Variants in NME1 observed in about 807,000 individuals in gnomAD.
NME1 encodes the protein NME/NM23 nucleoside diphosphate kinase 1, also known as nucleoside diphosphate kinase A.
In NME1, 9 loss-of-function variants were observed where a neutral mutation model predicts 17.2. That is an observed-to-expected ratio of 0.52 (90% CI 0.32 to 0.92). NME1 has a LOEUF of 0.92. Among genes scored for constraint, NME1 ranks in the 40% least tolerant of loss-of-function variants. The pLI is 0.04. For missense variants in NME1, 169 were observed against 201.7 expected (o/e 0.84, Z 0.98); for synonymous variants, 72 against 70.8 (o/e 1.02, Z -0.09).
rs547528539 is a variant in NME1, at chr17:51,158,090, G to A, written c.127-1890G>A. Reference sequence around the variant, plus strand: ...AGGTCAGGAGATGGAGACCAGCCTGGCCAACGTGGTGAAACCCCGTCTCTA... The same window carrying A: ...AGGTCAGGAGATGGAGACCAGCCTGACCAACGTGGTGAAACCCCGTCTCTA... On this transcript the variant is annotated intron_variant, in intron 2 of 4. Coordinates refer to ENST00000393196, the MANE Select transcript of NME1 (RefSeq NM_000269.3). Among the ~76,000 whole-genome samples the A allele has an allele frequency of 1.8e-3, 280 of 152,288 alleles. 1 individual carries two copies. Among genetic ancestry groups the A allele is most frequent in the Non-Finnish European group, 3.6e-3 (245 of 68,030 alleles).
chr17:51,157,590 G>A (rs1250029654), intron 2 of NME1, among the ~76,000 whole-genome samples: 1 of 152,224 alleles, frequency 6.6e-6, no homozygotes, highest in African/African-American at 2.4e-5. Flanking sequence ...TGAGATGGAT[G>A]TGTTGTTGAT....
Position 51,161,814 on chromosome 17 carries a change from C to T in NME1, c.428C>T (p.Thr143Met), listed in dbSNP as rs779643171. The T allele has an allele frequency of 1.0e-4, 166 of 1,613,250 alleles. No homozygotes were observed. Among genetic ancestry groups the T allele is most frequent in the Non-Finnish European group, 1.3e-4 (153 of 1,179,364 alleles). ...CACCCTGAGGAACTGGTAGATTACA[C>T]GAGCTGTGCTCAGAACTGGATCTAT... is the stretch of plus-strand genomic sequence containing the variant. ...WFHPEELVDY[T>M]SCAQNWIYE Residue 143 changes from threonine (T) to methionine (M), a missense_variant, in exon 5 of 5, where the codon ACG (threonine) becomes ATG (methionine). Physicochemically the swap from Thr to Met is moderately conservative, Grantham distance 81. Transcript: ENST00000393196.
intron 2 of NME1, among the ~76,000 whole-genome samples, chr17:51,158,450 A>G (rs1011220636): frequency 6.6e-6 from 1 of 152,204 alleles, no homozygotes; most frequent in African/African-American, 2.4e-5. Context: ...AACAAACAAC[A>G]AAACCAACAA....
Position 51,161,993 on chromosome 17 carries a change from G to A in NME1, c.*148G>A. 1 of 661,244 alleles carries A rather than the reference G, an allele frequency of 1.5e-6. No individual in the cohort carries two copies. Among genetic ancestry groups the A allele is most frequent in the South Asian group, 1.7e-5 (1 of 58,760 alleles). 41.0% of individuals were successfully genotyped at this position (661,244 alleles called of 1,614,324 possible). ...GAGCTGTGAGTTCTCCCTGTACAGT[G>A]TTACCATCCCCGACCATCTGATTAA... On this transcript the variant is annotated 3_prime_UTR_variant, in exon 5 of 5. Transcript: ENST00000393196.
chr17:51,154,271 C>A, intron 1 of NME1: 1 of 1,029,802 alleles, frequency 9.7e-7, no homozygotes, highest in Non-Finnish European at 1.5e-6. Context: ...ACTAAGTCAG[C>A]CTGGTGTGCA....
At chr17:51,158,580 A>T (rs1405866814) in intron 2 of NME1, among the ~76,000 whole-genome samples, 1 of 152,220 alleles carries the variant, frequency 6.6e-6, no homozygotes, top group Non-Finnish European at 1.5e-5. Context: ...GGACAGGGCG[A>T]GGGTTGGATC....
Position 51,161,732 on chromosome 17 carries a change from A to T in NME1, c.346A>T (p.Ile116Phe), listed in dbSNP as rs769974978. 1.9e-6 allele frequency: 3 copies of T among 1,612,236 alleles called. No homozygotes were observed. Among genetic ancestry groups the T allele is most frequent in the East Asian group, 2.2e-5 (1 of 44,892 alleles). ...GDFCIQVGRN[I>F]IHGSDSVESA... is the part of the protein sequence containing the mutation. ...ACTATCTCTTTCTCCACCCAGGAAC[A>T]TTATACATGGCAGTGATTCTGTGGA... Residue 116 changes from isoleucine to phenylalanine, a missense_variant, in exon 5 of 5, where the codon ATT (isoleucine) becomes TTT (phenylalanine). Physicochemically the swap from Ile to Phe is conservative, Grantham distance 21. Transcript: ENST00000393196.
intron 3 of NME1, chr17:51,160,610 C>CTTTTTTTTTTTTTTTTTTTTTT (rs1161137953): frequency 5.6e-6 from 1 of 177,750 alleles, no homozygotes; most frequent in African/African-American, 2.6e-5. Flanking sequence ...CTTGGCATTT[C>CTTTTTTTTTTTTTTTTTTTTTT]TTTTTTTTTT....
At chr17:51,158,406 C>T (rs1489348545) in intron 2 of NME1, among the ~76,000 whole-genome samples, 2 of 152,146 alleles carry the variant, frequency 1.3e-5, no homozygotes, top group Non-Finnish European at 2.9e-5. Flanking sequence ...TGCCATTGCA[C>T]TCCAGCCTGG....
intron 4 of NME1, 52 bp from the exon 5 acceptor site, chr17:51,161,676 G>T: frequency 1.5e-6 from 2 of 1,307,234 alleles, no homozygotes; most frequent in Non-Finnish European, 2.2e-6. Context: ...GGCAATGGGC[G>T]CATTTTAATC....
chr17:51,160,043 C>T lies in NME1; in HGVS notation c.190C>T (p.Leu64=). 6.2e-7 allele frequency: 1 copy of T among 1,614,146 alleles called. No individual in the cohort carries two copies. Among genetic ancestry groups the T allele is most frequent in the Non-Finnish European group, 8.5e-7 (1 of 1,180,032 alleles). The change falls in exon 3 of 5, where the codon CTG becomes TTG. Residue 64 remains leucine, a synonymous_variant. Coordinates refer to ENST00000393196, the MANE Select transcript of NME1 (RefSeq NM_000269.3). Reference sequence around the variant, plus strand: ...GAAGGACCGTCCATTCTTTGCCGGCCTGGTGAAATACATGCACTCAGGGCC... The same window carrying T: ...GAAGGACCGTCCATTCTTTGCCGGCTTGGTGAAATACATGCACTCAGGGCC... ...DLKDRPFFAG[L]VKYMHSGPVV... is the part of the protein sequence containing the mutation.
At chr17:51,155,567 T>C in intron 1 of NME1, 84 bp from the exon 2 acceptor site, 2 of 1,585,930 alleles carry the variant, frequency 1.3e-6, no homozygotes, top group Non-Finnish European at 8.6e-7. Context: ...TTAAACCAGC[T>C]TTATGGGATA....
intron 1 of NME1, chr17:51,154,570 C>A: frequency 1.3e-6 from 1 of 772,672 alleles, no homozygotes; most frequent in Non-Finnish European, 2.3e-6. Context: ...CCACACCCCA[C>A]CGTTTATTGG....
At chr17:51,154,239 T>G (rs1598234077) in intron 1 of NME1, 2 of 792,796 alleles carry the variant, frequency 2.5e-6, no homozygotes, top group South Asian at 1.4e-5. Flanking sequence ...TGTGGCTAGG[T>G]ACCATAGAGT....
At chr17:51,158,149 G>A (rs1015175721) in intron 2 of NME1, among the ~76,000 whole-genome samples, 1 of 152,170 alleles carries the variant, frequency 6.6e-6, no homozygotes, top group Non-Finnish European at 1.5e-5. Context: ...GTGTGATGGC[G>A]CATGCCTGTA....
At chr17:51,161,402 C>G in intron 4 of NME1, 130 bp downstream of exon 4, 1 of 965,900 alleles carries the variant, frequency 1.0e-6, no homozygotes, top group East Asian at 2.6e-5. Flanking sequence ...TTGTTTTCCT[C>G]CCTCTTAAGT....
chr17:51,157,860 A>G (rs1384324664), intron 2 of NME1, among the ~76,000 whole-genome samples: 1 of 152,164 alleles, frequency 6.6e-6, no homozygotes, highest in Admixed American at 6.6e-5. Context: ...AATGGACGGA[A>G]GGATAGCTGC....
At chr17:51,153,824 T>G (rs1598233628) in intron 1 of NME1, 162 bp downstream of exon 1, 1 of 162,238 alleles carries the variant, frequency 6.2e-6, no homozygotes, top group Admixed American at 5.8e-5. Context: ...TGCAGACCGG[T>G]CGGCGCACGT....
intron 2 of NME1, among the ~76,000 whole-genome samples, chr17:51,156,813 A>G (rs1598236584): frequency 6.6e-6 from 1 of 151,062 alleles, no homozygotes; most frequent in Admixed American, 6.7e-5. Context: ...AATCGCTTGA[A>G]CTGGGGAGGT....
Sources: gnomAD v4.1 joint callset for allele counts (sites outside exome capture counted in the v4.1 genomes callset) on GRCh38, gnomAD v4.1.1 for gene constraint, MANE v1.5 for transcripts, NCBI Gene and HGNC (gene_info 2026-07-23, HGNC 2026-07-21) for gene names.